MGMT: variants seen among roughly 807,000 people sequenced by gnomAD.
MGMT encodes methylated-DNA--protein-cysteine methyltransferase.
MGMT carries 14 observed loss-of-function variants against 15.9 expected under a neutral mutation model. That is an observed-to-expected ratio of 0.88 (90% CI 0.58 to 1.37). MGMT has a LOEUF of 1.37. Among genes scored for constraint, MGMT ranks in the 40% most tolerant of loss-of-function variants. The pLI, the probability that MGMT is intolerant of heterozygous loss-of-function variation, is 0.00. For synonymous variants in MGMT, 130 were observed against 118.2 expected (o/e 1.10, Z -0.65); for missense variants, 282 against 268.1 (o/e 1.05, Z -0.36).
At chr10:129,610,918 T>C (rs1283444670) in intron 2 of MGMT, among the ~76,000 whole-genome samples, 1 of 152,226 alleles carries the variant, frequency 6.6e-6, no homozygotes, top group Non-Finnish European at 1.5e-5. Flanking sequence ...ACAAAGTATG[T>C]TCTCGTGAGA....
intron 3 of MGMT, among the ~76,000 whole-genome samples, chr10:129,723,101 T>C (rs1441630588): frequency 1.3e-5 from 2 of 151,928 alleles, no homozygotes; most frequent in Non-Finnish European, 2.9e-5. Context: ...CAGATCACTT[T>C]AATGGTTAGA....
chr10:129,535,533 C>A lies in MGMT; in HGVS notation c.-12-708C>A, dbSNP rs557893970. Among the ~76,000 whole-genome samples the A allele has an allele frequency of 2.2e-4, 34 of 152,304 alleles. No homozygotes were observed. The South Asian group carries it at 6.4e-3, about 29-fold the overall frequency. On this transcript the variant is annotated intron_variant, in intron 1 of 4. Coordinates refer to ENST00000651593, the MANE Select transcript of MGMT (RefSeq NM_002412.5). ...CTATCATACCCAGCTAATTTTAATT[C>A]TTTTGGGGCAGGGTCTTGCTACGTT...
intron 2 of MGMT, among the ~76,000 whole-genome samples, chr10:129,578,354 T>TA (rs927515780): frequency 1.3e-5 from 2 of 152,108 alleles, no homozygotes; most frequent in Admixed American, 6.5e-5. Context: ...TATGCAGCCA[T>TA]AAAAAATGAT....
intron 2 of MGMT, among the ~76,000 whole-genome samples, chr10:129,681,214 C>T (rs1320220113): frequency 6.6e-6 from 1 of 152,228 alleles, no homozygotes; most frequent in Non-Finnish European, 1.5e-5. Flanking sequence ...TCACTCCACA[C>T]GTGTGCCCCG....
chr10:129,681,174 GGGTGCGC>G (rs1564759318), intron 2 of MGMT, among the ~76,000 whole-genome samples: 1 of 152,228 alleles, frequency 6.6e-6, no homozygotes, highest in East Asian at 1.9e-4. Flanking sequence ...CCGTAGCACC[GGGTGCGC>G]TGTGGACTGG....
chr10:129,583,375 A>G (rs992761018), intron 2 of MGMT, among the ~76,000 whole-genome samples: 8 of 152,258 alleles, frequency 5.3e-5, no homozygotes, highest in African/African-American at 1.9e-4. Flanking sequence ...AAATTTATAA[A>G]GGAATGAGTG....
intron 1 of MGMT, among the ~76,000 whole-genome samples, chr10:129,510,741 T>C (rs1845672584): frequency 6.6e-6 from 1 of 152,020 alleles, no homozygotes; most frequent in African/African-American, 2.4e-5. Context: ...GATGCAGGCA[T>C]GTGCTTCCCA....
chr10:129,728,319 A>C lies in MGMT; in HGVS notation c.274+20276A>C, dbSNP rs888673297. Among the ~76,000 whole-genome samples the C allele has an allele frequency of 3.9e-5, 6 of 151,948 alleles. No individual in the cohort carries two copies. The East Asian group carries it at 1.2e-3, about 29-fold the overall frequency. On this transcript the variant is annotated intron_variant, in intron 3 of 4. Coordinates refer to ENST00000651593, the MANE Select transcript of MGMT (RefSeq NM_002412.5). ...TGGCATGGACGTGAGCGATGAACCC[A>C]TACAAGTGGGTGAGAAAAAGGCTGA...
chr10:129,494,683 T>C (rs1845503049), intron 1 of MGMT, among the ~76,000 whole-genome samples: 1 of 152,240 alleles, frequency 6.6e-6, no homozygotes. Context: ...TTAATTTAAA[T>C]TTAAATAAGT....
At chr10:129,573,977 A>G (rs1303322770) in intron 2 of MGMT, among the ~76,000 whole-genome samples, 2 of 152,228 alleles carry the variant, frequency 1.3e-5, no homozygotes, top group Non-Finnish European at 1.5e-5. Flanking sequence ...CTAACCCAAT[A>G]CTTCATATAC....
chr10:129,765,779 TC>T (rs890413945), intron 4 of MGMT, among the ~76,000 whole-genome samples: 4 of 151,578 alleles, frequency 2.6e-5, no homozygotes, highest in Non-Finnish European at 5.9e-5. Context: ...CCTCTCTTCC[TC>T]CCTTGTCGGT....
At chr10:129,755,703 CAGAG>C (rs1848798265) in intron 3 of MGMT, among the ~76,000 whole-genome samples, 3 of 152,260 alleles carry the variant, frequency 2.0e-5, no homozygotes, top group Admixed American at 2.0e-4. Context: ...GCCCTGATCT[CAGAG>C]AGGGCCAGCT....
In MGMT at chr10:129,770,263, T is replaced by G. The variant is rs1848985848; in HGVS notation, c.*3266T>G. Among the ~76,000 whole-genome samples, 1 of 152,200 alleles carries G rather than the reference T, an allele frequency of 6.6e-6. No homozygotes were observed. The highest frequency in any genetic ancestry group is 2.4e-5 in the African/African-American group (1 of 41,452). On this transcript the variant is annotated 3_prime_UTR_variant, in exon 5 of 5. Transcript: ENST00000651593. ...ACTTGTTTCCTACAGAACTGTAAGA[T>G]AAGGATAAAATCCCATCCACCTGAA...
At chr10:129,737,543 TTC>T (rs1322289101) in intron 3 of MGMT, among the ~76,000 whole-genome samples, 2 of 152,248 alleles carry the variant, frequency 1.3e-5, no homozygotes, top group Non-Finnish European at 2.9e-5. Context: ...TGAAGCCTTC[TTC>T]TCTCAACTCG....
chr10:129,644,188 T>C (rs1847359601), intron 2 of MGMT, among the ~76,000 whole-genome samples: 1 of 152,204 alleles, frequency 6.6e-6, no homozygotes, highest in African/African-American at 2.4e-5. Context: ...AGCAGTGCTT[T>C]AGGGGAGCCA....
chr10:129,476,173 T>C (rs1391815598), intron 1 of MGMT, among the ~76,000 whole-genome samples: 1 of 152,340 alleles, frequency 6.6e-6, no homozygotes, highest in East Asian at 1.9e-4. Context: ...CATGGGCTTA[T>C]AAGCCTTCCT....
At chr10:129,517,855 G>A (rs952588447) in intron 1 of MGMT, among the ~76,000 whole-genome samples, 3 of 152,226 alleles carry the variant, frequency 2.0e-5, no homozygotes, top group African/African-American at 7.2e-5. Context: ...CTGATTGAAT[G>A]AATGAGTATT....
chr10:129,641,206 T>C (rs372916929), intron 2 of MGMT, among the ~76,000 whole-genome samples: 2 of 152,220 alleles, frequency 1.3e-5, no homozygotes, highest in South Asian at 2.1e-4. Context: ...AAATTTTAAA[T>C]ATAGTTCCAT....
intron 1 of MGMT, among the ~76,000 whole-genome samples, chr10:129,496,177 CTG>C (rs955672676): frequency 1.3e-5 from 2 of 152,136 alleles, no homozygotes; most frequent in African/African-American, 2.4e-5. Context: ...AAGCTGAAAA[CTG>C]TTTTATAAAT....
Sources: gnomAD v4.1 joint callset for allele counts (sites outside exome capture counted in the v4.1 genomes callset) on GRCh38, gnomAD v4.1.1 for gene constraint, MANE v1.5 for transcripts, NCBI Gene and HGNC (gene_info 2026-07-23, HGNC 2026-07-21) for gene names.